Variants in MEG3 observed in about 807,000 individuals in gnomAD.
MEG3 encodes the protein Very putative protein from MEG3 locus.
At chr14:100,860,551 C>A in intron 1 of MEG3, 1 of 428,322 alleles carries the variant, frequency 2.3e-6, no homozygotes. Context: ...TCCCCTCACC[C>A]TCCATGCTGC....
At chr14:100,855,694 G>A (rs2038219799), upstream of MEG3, 1 of 152,184 alleles carries the variant, frequency 6.6e-6, no homozygotes, top group South Asian at 2.1e-4. Context: ...TAAAAAATTA[G>A]CCAGTGCTAT....
chr14:100,852,399 C>T (rs2139998796), upstream of MEG3: 1 of 534,408 alleles, frequency 1.9e-6, no homozygotes. Context: ...CAGGAGCCAC[C>T]TTCCGAGCCT....
intron 3 of MEG3, chr14:100,846,492 T>G (rs1160304806): frequency 6.6e-6 from 1 of 152,266 alleles, no homozygotes; most frequent in East Asian, 1.9e-4. Context: ...GTACCTTGGT[T>G]GGTGACTCAG....
chr14:100,846,315 G>A (rs2037915994), intron 3 of MEG3: 1 of 152,270 alleles, frequency 6.6e-6, no homozygotes, highest in Non-Finnish European at 1.5e-5. Flanking sequence ...AGAACAGGCG[G>A]CGCTTGCCTT....
In MEG3 at chr14:100,835,250, C is replaced by T. The variant is rs545968620; in HGVS notation, n.2282C>T. 2.4e-4 allele frequency: 42 copies of T among 173,990 alleles called. No individual in the cohort carries two copies. In the South Asian group the frequency reaches 3.0e-3, roughly 12 times the overall value. The allele number at this position is 173,990 out of a possible 1,614,324, so 10.8% of individuals were successfully genotyped here. A position where few individuals can be genotyped will look rare whatever the true frequency, so the allele number is the denominator to read the frequency against. On this transcript the variant is annotated non_coding_transcript_exon_variant, in exon 1 of 4. Coordinates refer to the MEG3 transcript ENST00000398461. ...GAGTCTCTCAGGACCAAAGTGGGCA[C>T]GGGAACAGCTGTAGTGTGTGCCCCC...
At chr14:100,854,937 T>A (rs1456905790), upstream of MEG3, 2 of 152,654 alleles carry the variant, frequency 1.3e-5, no homozygotes, top group Admixed American at 1.3e-4. Context: ...TTTCTTCACC[T>A]GGGGCAATTA....
chr14:100,852,649 G>T (rs1035115305), upstream of MEG3: 1 of 298,176 alleles, frequency 3.4e-6, no homozygotes, highest in African/African-American at 2.2e-5. Flanking sequence ...GAAGAAGACC[G>T]GGAGGGTCTT....
chr14:100,833,819 A>AT (rs1361193642), downstream of MEG3: 1 of 152,250 alleles, frequency 6.6e-6, no homozygotes, highest in Non-Finnish European at 1.5e-5. Context: ...GGAAAAAAAA[A>AT]CTAGGGGATA....
chr14:100,834,815 T>C, exon 1 of MEG3: 1 of 456,726 alleles, frequency 2.2e-6, no homozygotes, highest in Non-Finnish European at 4.4e-6. Flanking sequence ...CGAAGAGTTC[T>C]AGGTGCAAAG....
chr14:100,842,267 G>A (rs547750153), intron 2 of MEG3, among the ~76,000 whole-genome samples: 2 of 152,258 alleles, frequency 1.3e-5, no homozygotes, highest in East Asian at 3.9e-4. Flanking sequence ...ATCCATTAAC[G>A]GTAAACAGGC....
chr14:100,840,184 C>T (rs1345796404), intron 2 of MEG3, among the ~76,000 whole-genome samples: 1 of 152,200 alleles, frequency 6.6e-6, no homozygotes, highest in East Asian at 1.9e-4. Flanking sequence ...TAACTGCTCT[C>T]CAATTTCTTT....
chr14:100,834,453 C>T (rs2037494059), exon 1 of MEG3: 4 of 312,866 alleles, frequency 1.3e-5, no homozygotes, highest in South Asian at 1.1e-4. Flanking sequence ...CTCCCCACGT[C>T]CCCATCCTGC....
intron 2 of MEG3, among the ~76,000 whole-genome samples, chr14:100,841,422 C>T (rs2037755914): frequency 6.6e-6 from 1 of 152,232 alleles, no homozygotes; most frequent in Non-Finnish European, 1.5e-5. Context: ...GGGGTTTCTT[C>T]AGGCCTCCCT....
intron 2 of MEG3, among the ~76,000 whole-genome samples, chr14:100,838,111 A>G (rs1434176475): frequency 1.3e-5 from 2 of 152,134 alleles, no homozygotes; most frequent in Non-Finnish European, 2.9e-5. Context: ...GCTTACTAGA[A>G]TGCATTCGAG....
chr14:100,857,159 G>A (rs1353629124), upstream of MEG3: 7 of 152,190 alleles, frequency 4.6e-5, no homozygotes, highest in African/African-American at 7.2e-5. Context: ...TCTTACGGAC[G>A]TTTGTATGCC....
chr14:100,843,568 A>G (rs2037822395), intron 2 of MEG3, among the ~76,000 whole-genome samples: 1 of 152,210 alleles, frequency 6.6e-6, no homozygotes, highest in African/African-American at 2.4e-5. Flanking sequence ...GTTATGGCAG[A>G]ACAGGGTTTA....
chr14:100,838,852 G>A (rs564093420), intron 2 of MEG3, among the ~76,000 whole-genome samples: 325 of 152,126 alleles, frequency 2.1e-3, no homozygotes, highest in Non-Finnish European at 3.7e-3. Flanking sequence ...CCCCTCATTC[G>A]CTCACTCGCC....
At chr14:100,833,610 C>G (rs1292120164), downstream of MEG3, 1 of 152,304 alleles carries the variant, frequency 6.6e-6, no homozygotes, top group African/African-American at 2.4e-5. Context: ...TGTCCTGTAC[C>G]CTGCCTGAAC....
At chr14:100,839,792 C>T (rs1463496067) in intron 2 of MEG3, among the ~76,000 whole-genome samples, 38 of 152,160 alleles carry the variant, frequency 2.5e-4, no homozygotes, top group Admixed American at 2.5e-3. Flanking sequence ...GGTTCCAGCT[C>T]CAGCCGGATC....
Sources: gnomAD v4.1 joint callset for allele counts (sites outside exome capture counted in the v4.1 genomes callset) on GRCh38, gnomAD v4.1.1 for gene constraint, MANE v1.5 for transcripts, NCBI Gene and HGNC (gene_info 2026-07-23, HGNC 2026-07-21) for gene names.